MAP3K13: variants seen among roughly 807,000 people sequenced by gnomAD.
MAP3K13 encodes mitogen-activated protein kinase kinase kinase 13, also known as leucine zipper-bearing kinase.
Under a neutral mutation model 104.0 loss-of-function variants are expected in MAP3K13, and 52 were observed. The ratio of observed to expected loss-of-function variants is 0.50; its 90% CI spans 0.40 to 0.63. The LOEUF is 0.63. Ranked by LOEUF, MAP3K13 falls within the 20% of genes least tolerant of loss-of-function variation. The pLI, the probability that MAP3K13 is intolerant of heterozygous loss-of-function variation, is 0.00. For synonymous variants in MAP3K13, 394 were observed against 442.2 expected, an observed-to-expected ratio of 0.89 and a Z score of 1.37; for missense variants, 914 against 1,218.5, an observed-to-expected ratio of 0.75 and a Z score of 3.72.
chr3:185,424,780 A>G (rs1015770932), intron 1 of MAP3K13, among the ~76,000 whole-genome samples: 3 of 152,316 alleles, frequency 2.0e-5, no homozygotes, highest in African/African-American at 7.2e-5. Flanking sequence ...GTAACGTTCT[A>G]TATCCACAGA....
rs112666825 is a variant in MAP3K13 at position 185,472,402 on chromosome 3, G to A, written c.1644-573G>A. 3.2e-3 allele frequency among the ~76,000 whole-genome samples: 491 copies of A among 151,730 alleles called. 2 individuals carry two copies. Among genetic ancestry groups the A allele is most frequent in the African/African-American group, 0.011 (440 of 41,386 alleles). On this transcript the variant is annotated intron_variant, in intron 10 of 13. Coordinates refer to ENST00000265026, the MANE Select transcript of MAP3K13 (RefSeq NM_004721.5). ...TAATTTTTGTATTTTTAGTAGAGAC[G>A]GGGTTTCACCATGTTGGCCAGGATG...
intron 2 of MAP3K13, among the ~76,000 whole-genome samples, chr3:185,342,850 G>T (rs1722770010): frequency 6.6e-6 from 1 of 152,190 alleles, no homozygotes; most frequent in South Asian, 2.1e-4. Flanking sequence ...TTCTCTGAGG[G>T]TCTCACATAG....
chr3:185,459,507 G>C (rs1716969943), intron 7 of MAP3K13, among the ~76,000 whole-genome samples: 1 of 152,086 alleles, frequency 6.6e-6, no homozygotes, highest in Non-Finnish European at 1.5e-5. Flanking sequence ...GAGTGCAGTG[G>C]TGTGATCTCA....
At chr3:185,367,711 C>T (rs1454510072) in intron 1 of MAP3K13, among the ~76,000 whole-genome samples, 1 of 152,028 alleles carries the variant, frequency 6.6e-6, no homozygotes, top group Non-Finnish European at 1.5e-5. Flanking sequence ...ATCTTCCCAC[C>T]TCAGGCTCCG....
intron 1 of MAP3K13, among the ~76,000 whole-genome samples, chr3:185,403,780 G>A (rs535458986): frequency 1.3e-5 from 2 of 152,270 alleles, no homozygotes; most frequent in South Asian, 4.1e-4. Flanking sequence ...TCCATCACAG[G>A]TCAGGAGAAT....
chr3:185,476,224 T>C (rs979705696), intron 11 of MAP3K13, among the ~76,000 whole-genome samples: 2 of 152,032 alleles, frequency 1.3e-5, no homozygotes, highest in African/African-American at 4.8e-5. Flanking sequence ...CCTTGTACAT[T>C]TGGCTTCATT....
intron 10 of MAP3K13, among the ~76,000 whole-genome samples, chr3:185,472,652 G>A (rs1445752759): frequency 3.9e-5 from 6 of 151,992 alleles, no homozygotes; most frequent in African/African-American, 9.7e-5. Context: ...TTCTTTAATC[G>A]TAGCAGAATT....
At chr3:185,372,204 T>C (rs1385201410) in intron 1 of MAP3K13, among the ~76,000 whole-genome samples, 3 of 152,224 alleles carry the variant, frequency 2.0e-5, no homozygotes, top group African/African-American at 7.2e-5. Context: ...CTTTCATTTT[T>C]GCTAAGCATA....
intron 2 of MAP3K13, among the ~76,000 whole-genome samples, chr3:185,332,315 A>G (rs1441444085): frequency 6.6e-6 from 1 of 152,214 alleles, no homozygotes; most frequent in Non-Finnish European, 1.5e-5. Context: ...GATAGGTTAA[A>G]TAATGGTTTC....
At chr3:185,407,472 G>A (rs1420680811) in intron 1 of MAP3K13, among the ~76,000 whole-genome samples, 1 of 152,164 alleles carries the variant, frequency 6.6e-6, no homozygotes, top group Non-Finnish European at 1.5e-5. Context: ...CAGAGTGACT[G>A]CATTTTAACA....
rs1359633687 is a variant in MAP3K13 at position 185,293,017 on chromosome 3, G to A, written c.-86+7374G>A. On this transcript the variant is annotated intron_variant, in intron 2 of 14. Coordinates refer to the MAP3K13 transcript ENST00000424227. ...AATTGTTTTAGTTATATGTACAAAT[G>A]TGTGTGTGTGAACGTGTGTGTACTT... is the stretch of plus-strand genomic sequence containing the variant. 5.1e-5 allele frequency: 50 copies of A among 980,330 alleles called. 1 individual carries two copies. Among genetic ancestry groups the A allele is most frequent in the South Asian group, 2.8e-4 (6 of 21,190 alleles). The allele number at this position is 980,330 out of a possible 1,614,324, so 60.7% of individuals were successfully genotyped here. A position where few individuals can be genotyped will look rare whatever the true frequency, so the allele number is the denominator to read the frequency against.
chr3:185,431,166 C>T (rs1714722290), intron 2 of MAP3K13, among the ~76,000 whole-genome samples: 2 of 152,160 alleles, frequency 1.3e-5, no homozygotes, highest in South Asian at 2.1e-4. Flanking sequence ...TCCCCTGACT[C>T]GTGGGAATTA....
In MAP3K13 at chr3:185,487,329, A is replaced by G. The variant is rs62290238; in HGVS notation, c.*4873A>G. 1 of 149,942 alleles carries G rather than the reference A, an allele frequency of 6.7e-6. No individual in the cohort carries two copies. The highest frequency in any genetic ancestry group is 6.6e-5 in the Admixed American group (1 of 15,078). 9.3% of individuals were successfully genotyped at this position (149,942 alleles called of 1,614,324 possible). A position where few individuals can be genotyped will look rare whatever the true frequency, so the allele number is the denominator to read the frequency against. ...ACAGGTGTGTGCCACCATGCACAACAATTTTTTTTTTTTTTTTGTAGAGAT... is the reference window on the plus strand; with the variant it reads ...ACAGGTGTGTGCCACCATGCACAACGATTTTTTTTTTTTTTTTGTAGAGAT... On this transcript the variant is annotated 3_prime_UTR_variant, in exon 14 of 14. Transcript: ENST00000265026.
In MAP3K13 at chr3:185,364,845, T is replaced by C. The variant is rs114031433; in HGVS notation, c.-86+1477T>C. Among the ~76,000 whole-genome samples, 834 of 152,330 alleles carry C rather than the reference T, an allele frequency of 5.5e-3. 6 individuals carry two copies. Among genetic ancestry groups the C allele is most frequent in the African/African-American group, 0.018 (753 of 41,574 alleles). On this transcript the variant is annotated intron_variant, in intron 1 of 13. Transcript: ENST00000265026. The stretch of plus-strand genomic sequence containing the variant: ...TATTTTCTGGGTTTAACAAATGAGA[T>C]AACATTTTAGACATAATATTTGTAA...
chr3:185,300,696 T>G (rs1258464321), intron 2 of MAP3K13, among the ~76,000 whole-genome samples: 1 of 150,510 alleles, frequency 6.6e-6, no homozygotes, highest in East Asian at 2.0e-4. Context: ...TTCACCATGT[T>G]GGTCAGGCTG....
At chr3:185,455,768 T>A in intron 7 of MAP3K13, among the ~76,000 whole-genome samples, 1 of 86,768 alleles carries the variant, frequency 1.2e-5, no homozygotes, top group Admixed American at 1.6e-4. Flanking sequence ...ATGAGATATA[T>A]ATATGATATA....
At chr3:185,295,331 AG>A (rs1444752368) in intron 2 of MAP3K13, among the ~76,000 whole-genome samples, 1 of 151,968 alleles carries the variant, frequency 6.6e-6, no homozygotes, top group African/African-American at 2.4e-5. Context: ...CTGCCTCCCA[AG>A]TAGCTGGGAT....
chr3:185,360,041 A>G (rs1723540304), upstream of MAP3K13, among the ~76,000 whole-genome samples: 1 of 152,096 alleles, frequency 6.6e-6, no homozygotes, highest in African/African-American at 2.4e-5. Flanking sequence ...TGAGTTTTAA[A>G]TATCTTCTTG....
chr3:185,452,831 A>G (rs938524617), intron 7 of MAP3K13, among the ~76,000 whole-genome samples: 2 of 152,210 alleles, frequency 1.3e-5, no homozygotes, highest in African/African-American at 4.8e-5. Flanking sequence ...TAACAAATGT[A>G]GCGAGAGAGC....
Sources: allele counts gnomAD v4.1 joint callset (sites outside exome capture counted in the v4.1 genomes callset), GRCh38; gene constraint gnomAD v4.1.1; transcripts MANE v1.5; gene names NCBI Gene and HGNC (gene_info 2026-07-23, HGNC 2026-07-21).